KCNIP4: variants seen among roughly 807,000 people sequenced by gnomAD.
KCNIP4 encodes the protein Kv channel-interacting protein 4.
In KCNIP4, 12 loss-of-function variants were observed where a neutral mutation model predicts 34.0. The observed-to-expected ratio is 0.35, with a 90% CI of 0.23 to 0.57. The LOEUF is 0.57. KCNIP4 is among the 20% of genes least tolerant of loss of function. The pLI is 0.83. For missense variants in KCNIP4, 238 were observed against 311.7 expected (o/e 0.76, Z 1.78); for synonymous variants, 124 against 102.2 (o/e 1.21, Z -1.29).
intron 1 of KCNIP4, among the ~76,000 whole-genome samples, chr4:21,184,794 GT>G (rs1312815393): frequency 3.9e-5 from 6 of 152,276 alleles, no homozygotes; most frequent in African/African-American, 1.4e-4. Context: ...GATTCTTGGT[GT>G]TGTCAATATG....
intron 1 of KCNIP4, among the ~76,000 whole-genome samples, chr4:21,256,258 A>G (rs1033740243): frequency 2.0e-5 from 3 of 152,166 alleles, no homozygotes; most frequent in African/African-American, 7.2e-5. Flanking sequence ...TAGCATATCA[A>G]ACGGGCAGAA....
At chr4:20,927,783 T>C (rs1336740012) in intron 1 of KCNIP4, among the ~76,000 whole-genome samples, 4 of 152,204 alleles carry the variant, frequency 2.6e-5, no homozygotes, top group Non-Finnish European at 5.9e-5. Flanking sequence ...ACCATTTATG[T>C]TGTATTCAAC....
rs1349244741 is a variant in KCNIP4 at position 21,040,929 on chromosome 4, A to AT, written c.62-158221dup. Among the ~76,000 whole-genome samples the AT allele has an allele frequency of 7.7e-5, 11 of 143,464 alleles. No homozygotes were observed. In the South Asian group the frequency reaches 9.2e-4, roughly 12 times the overall value. The allele number at this position is 143,464 out of a possible 152,430, so 94.1% of individuals were successfully genotyped here. On this transcript the variant is annotated intron_variant, in intron 1 of 8. Transcript: ENST00000382152. ...TTAACTGTCTTCATGTGATAAGTGC[A>AT]TTTTTTTGACTTAATGAAACAGAGT...
intron 1 of KCNIP4, among the ~76,000 whole-genome samples, chr4:21,374,276 T>C (rs1720762505): frequency 6.8e-6 from 1 of 147,118 alleles, no homozygotes; most frequent in Admixed American, 6.6e-5. Context: ...CACAGTTCCA[T>C]GTGGCTGGGG....
intron 1 of KCNIP4, among the ~76,000 whole-genome samples, chr4:21,290,443 T>C (rs1763371427): frequency 6.6e-6 from 1 of 152,186 alleles, no homozygotes; most frequent in Admixed American, 6.5e-5. Context: ...AAGTGACATG[T>C]TCAAAGAAGA....
At chr4:21,074,142 C>G (rs1745244018) in intron 1 of KCNIP4, among the ~76,000 whole-genome samples, 1 of 152,166 alleles carries the variant, frequency 6.6e-6, no homozygotes, top group African/African-American at 2.4e-5. Flanking sequence ...CAGGATGATG[C>G]TGGCCTCATA....
At chr4:20,972,276 A>G (rs1203781764) in intron 1 of KCNIP4, among the ~76,000 whole-genome samples, 1 of 152,186 alleles carries the variant, frequency 6.6e-6, no homozygotes, top group Non-Finnish European at 1.5e-5. Flanking sequence ...TCCTTTCCAG[A>G]AAGTTTTCAA....
chr4:21,905,178 G>A (rs1035723885), intron 1 of KCNIP4, among the ~76,000 whole-genome samples: 1 of 152,110 alleles, frequency 6.6e-6, no homozygotes, highest in Admixed American at 6.6e-5. Flanking sequence ...TGGACCTTGG[G>A]TATAAGGTGA....
At chr4:21,125,990 A>C (rs1351126083) in intron 1 of KCNIP4, among the ~76,000 whole-genome samples, 1 of 152,020 alleles carries the variant, frequency 6.6e-6, no homozygotes, top group African/African-American at 2.4e-5. Flanking sequence ...ATTTCTTTTT[A>C]GTCGTTACAG....
chr4:21,794,043 T>C (rs1444999304), intron 1 of KCNIP4, among the ~76,000 whole-genome samples: 1 of 152,154 alleles, frequency 6.6e-6, no homozygotes, highest in African/African-American at 2.4e-5. Context: ...AAACCCCGCA[T>C]GTTCTCACTC....
chr4:20,898,259 T>C (rs961291867), intron 1 of KCNIP4, among the ~76,000 whole-genome samples: 2 of 152,154 alleles, frequency 1.3e-5, no homozygotes, highest in Non-Finnish European at 2.9e-5. Flanking sequence ...CTTTTTGGTC[T>C]TCGTAATCAT....
At chr4:20,862,998 T>A (rs1722375891) in intron 2 of KCNIP4, among the ~76,000 whole-genome samples, 1 of 151,936 alleles carries the variant, frequency 6.6e-6, no homozygotes, top group African/African-American at 2.4e-5. Flanking sequence ...GGAAGAGGAT[T>A]AGGAAAAATA....
intron 1 of KCNIP4, among the ~76,000 whole-genome samples, chr4:20,950,672 G>T (rs73099804): frequency 1.3e-5 from 2 of 151,204 alleles, no homozygotes; most frequent in Non-Finnish European, 2.9e-5. Context: ...GCAAGCAGTA[G>T]AGAGGCATGC....
At chr4:21,217,102 C>T (rs1577903512) in intron 1 of KCNIP4, among the ~76,000 whole-genome samples, 1 of 152,250 alleles carries the variant, frequency 6.6e-6, no homozygotes, top group Admixed American at 6.5e-5. Flanking sequence ...GTTATTGTAT[C>T]TCATTCAATA....
At chr4:21,871,067 A>G (rs1725765658) in intron 1 of KCNIP4, among the ~76,000 whole-genome samples, 1 of 152,096 alleles carries the variant, frequency 6.6e-6, no homozygotes, top group Admixed American at 6.6e-5. Context: ...TCTGAGTCCA[A>G]TTAAGCCCCA....
At chr4:21,242,553 A>T (rs1033982537) in intron 1 of KCNIP4, among the ~76,000 whole-genome samples, 2 of 152,138 alleles carry the variant, frequency 1.3e-5, no homozygotes, top group Non-Finnish European at 2.9e-5. Flanking sequence ...AGTTAAGTAG[A>T]TTGCCACCTC....
At chr4:21,815,538 A>G (rs1721938603) in intron 1 of KCNIP4, among the ~76,000 whole-genome samples, 1 of 152,162 alleles carries the variant, frequency 6.6e-6, no homozygotes, top group Non-Finnish European at 1.5e-5. Flanking sequence ...AAAAGGAAAA[A>G]AAAAGCAAAA....
At position 21,776,963 on chromosome 4, in the gene KCNIP4, G is replaced by C. The variant is rs116238717; in HGVS notation, c.61+171608C>G. Among the ~76,000 whole-genome samples the C allele has an allele frequency of 4.3e-3, 658 of 152,208 alleles. 3 individuals are homozygous for C. The highest frequency in any genetic ancestry group is 0.015 in the African/African-American group (611 of 41,532). ...TTTCTAGTAGAGACAAGGTTAGACA[G>C]GGTTTCACCATATTGGCCAGGCTGG... is the stretch of plus-strand genomic sequence containing the variant. On this transcript the variant is annotated intron_variant, in intron 1 of 8. Coordinates refer to ENST00000382152, the MANE Select transcript of KCNIP4 (RefSeq NM_025221.6).
chr4:21,345,946 T>C (rs1274420141), intron 1 of KCNIP4, among the ~76,000 whole-genome samples: 1 of 150,066 alleles, frequency 6.7e-6, no homozygotes, highest in Non-Finnish European at 1.5e-5. Context: ...GATTTCATTT[T>C]GGAGCACTGT....
Sources: gnomAD v4.1 joint callset for allele counts (sites outside exome capture counted in the v4.1 genomes callset) on GRCh38, gnomAD v4.1.1 for gene constraint, MANE v1.5 for transcripts, NCBI Gene and HGNC (gene_info 2026-07-23, HGNC 2026-07-21) for gene names.